Variants in REV3L observed in about 807,000 individuals in gnomAD.
The protein encoded by REV3L is REV3 like, DNA directed polymerase zeta catalytic subunit.
In REV3L, 69 loss-of-function variants were observed where a neutral mutation model predicts 299.4. That is an observed-to-expected ratio of 0.23 (90% CI 0.19 to 0.28). REV3L has a LOEUF of 0.28. Ranked by LOEUF, REV3L falls within the 10% of genes least tolerant of loss-of-function variation. The pLI is 1.00. For synonymous variants in REV3L, 1,238 were observed against 1,271.4 expected, an observed-to-expected ratio of 0.97 and a Z score of 0.56; for missense variants, 3,128 against 3,693.8, an observed-to-expected ratio of 0.85 and a Z score of 3.97.
In REV3L at chr6:111,335,658, A is replaced by G. The variant is rs370658082; in HGVS notation, c.7539-48T>C. The G allele has an allele frequency of 5.0e-4, 776 of 1,547,472 alleles. 1 individual carries two copies. The highest frequency in any genetic ancestry group is 6.0e-4 in the Non-Finnish European group (693 of 1,148,024). ...ATGAACATCAGGGAAAAATTTGGAC[A>G]CTTGAAAACAGTACTTTTTTTCCTG... On this transcript the variant is annotated intron_variant, in intron 21 of 31. Coordinates refer to ENST00000368802, the MANE Select transcript of REV3L (RefSeq NM_001372078.1).
chr6:111,434,618 C>CAAA (rs1280352557), intron 1 of REV3L, among the ~76,000 whole-genome samples: 1 of 78,812 alleles, frequency 1.3e-5, no homozygotes, highest in African/African-American at 5.1e-5. Context: ...GACTCCGTCT[C>CAAA]AAAAAAAAAA....
intron 13 of REV3L, among the ~76,000 whole-genome samples, chr6:111,369,651 T>C (rs1052136660): frequency 2.6e-5 from 4 of 151,986 alleles, no homozygotes; most frequent in Non-Finnish European, 1.5e-5. Flanking sequence ...AGTGAAAAAT[T>C]TGGATATAAT....
At chr6:111,346,627 G>C (rs1777058677) in intron 20 of REV3L, among the ~76,000 whole-genome samples, 2 of 152,120 alleles carry the variant, frequency 1.3e-5, no homozygotes, top group African/African-American at 4.8e-5. Flanking sequence ...GGGACTATAT[G>C]TGTGTGCCAC....
chr6:111,446,829 C>G (rs1255224389), intron 1 of REV3L, among the ~76,000 whole-genome samples: 1 of 152,092 alleles, frequency 6.6e-6, no homozygotes, highest in African/African-American at 2.4e-5. Flanking sequence ...GTATTTGATA[C>G]TGAGATTAGT....
At position 111,333,179 on chromosome 6, in the gene REV3L, C is replaced by T. The variant is rs767189450; in HGVS notation, c.7869G>A (p.Val2623=). Reference sequence around the variant, plus strand: ...TGGAAAAGCAGTAGTTATATGCAATCACAATAGAAGGATAAAGTGATTGGA... The same window carrying T: ...TGGAAAAGCAGTAGTTATATGCAATTACAATAGAAGGATAAAGTGATTGGA... ...LDFQSLYPSI[V]IAYNYCFSTC... The change falls in exon 23 of 32, where the codon GTG becomes GTA. Residue 2623 remains valine, a synonymous_variant. Coordinates refer to ENST00000368802, the MANE Select transcript of REV3L (RefSeq NM_001372078.1). 5.6e-6 allele frequency: 9 copies of T among 1,614,094 alleles called. No homozygotes were observed. Among genetic ancestry groups the T allele is most frequent in the South Asian group, 2.2e-5 (2 of 91,072 alleles).
At chr6:111,378,478 C>T (rs906109188) in intron 11 of REV3L, among the ~76,000 whole-genome samples, 4 of 152,088 alleles carry the variant, frequency 2.6e-5, no homozygotes, top group African/African-American at 9.7e-5. Context: ...TTAAGCCTTT[C>T]CAAATCACAA....
At chr6:111,330,405 A>C (rs1272990671) in intron 24 of REV3L, 7 of 409,400 alleles carry the variant, frequency 1.7e-5, no homozygotes, top group African/African-American at 1.2e-4. Context: ...AATTTATGAG[A>C]ACTCCAGTAG....
In REV3L at chr6:111,482,833, C is replaced by T. The variant is rs756162880; in HGVS notation, c.56G>A (p.Gly19Glu). The T allele has an allele frequency of 1.4e-5, 21 of 1,506,792 alleles. No individual in the cohort carries two copies. The highest frequency in any genetic ancestry group is 1.3e-5 in the Non-Finnish European group (15 of 1,134,882). The allele number at this position is 1,506,792 out of a possible 1,614,324, so 93.3% of individuals were successfully genotyped here. The change falls in exon 1 of 32, where the codon GGG becomes GAG. Residue 19 changes from glycine (G) to glutamate (E), a missense_variant. Around this residue, in one of 9 missense-constraint regions of REV3L, gnomAD observed 48 missense variants for 42.8 expected, o/e 1.12. Transcript: ENST00000368802. ...ADYYMASPLQGLDTCQSPLTQ... is the reference protein window; with the variant it reads ...ADYYMASPLQELDTCQSPLTQ... ...GAGGGGGGATTGGCAGGTATCCAGC[C>T]CCTGCAGCGGGCTGGCCATGTAGTA...
chr6:111,458,253 A>G (rs1402262504), intron 1 of REV3L, among the ~76,000 whole-genome samples: 1 of 152,106 alleles, frequency 6.6e-6, no homozygotes, highest in East Asian at 1.9e-4. Context: ...CCTTCATGAT[A>G]AAACCCCTCA....
chr6:111,434,309 A>G (rs1358752689), intron 1 of REV3L, among the ~76,000 whole-genome samples: 2 of 152,120 alleles, frequency 1.3e-5, no homozygotes, highest in African/African-American at 4.8e-5. Context: ...ACTCAACCAA[A>G]AAAACTGTTA....
intron 10 of REV3L, 104 bp downstream of exon 10, chr6:111,381,221 G>T: frequency 8.6e-7 from 1 of 1,167,142 alleles, no homozygotes; most frequent in Non-Finnish European, 1.2e-6. Context: ...TACTGAACAT[G>T]CAACATTTAC....
chr6:111,465,528 G>A (rs1791346236), intron 1 of REV3L, among the ~76,000 whole-genome samples: 1 of 151,552 alleles, frequency 6.6e-6, no homozygotes. Context: ...GAGGTCAGGA[G>A]TTTGAGACAA....
chr6:111,451,631 C>T (rs937273798), intron 1 of REV3L, among the ~76,000 whole-genome samples: 5 of 151,880 alleles, frequency 3.3e-5, no homozygotes, highest in South Asian at 4.2e-4. Flanking sequence ...GGCCCAATAC[C>T]GAAGGGAATT....
rs770526267 is a variant in REV3L at position 111,375,432 on chromosome 6, T to C, written c.2923A>G (p.Ile975Val). The C allele has an allele frequency of 6.2e-7, 1 of 1,600,288 alleles. No homozygotes were observed. The highest frequency in any genetic ancestry group is 8.5e-7 in the Non-Finnish European group (1 of 1,175,944). ...CTATTAATAATAATATACTTTATGA[T>C]GACAGGGGGCAGCTTTTTAGACATT... ...RKMSKKLPPVIIKYIIINRFR... is the reference protein window; with the variant it reads ...RKMSKKLPPVVIKYIIINRFR... The change falls in exon 13 of 32, where the codon ATC becomes GTC. Residue 975 changes from isoleucine (I) to valine (V), a missense_variant. Ile to Val is a conservative substitution (Grantham distance 29). Transcript: ENST00000368802.
chr6:111,322,193 G>T (rs1485921234), intron 26 of REV3L, among the ~76,000 whole-genome samples: 1 of 152,142 alleles, frequency 6.6e-6, no homozygotes, highest in African/African-American at 2.4e-5. Flanking sequence ...TTCAAAAACA[G>T]TTTATTTTAA....
At chr6:111,459,662 G>GA (rs963085913) in intron 1 of REV3L, among the ~76,000 whole-genome samples, 12 of 151,896 alleles carry the variant, frequency 7.9e-5, no homozygotes, top group African/African-American at 2.9e-4. Flanking sequence ...AAAAAAAATT[G>GA]AAAAAATGCT....
intron 26 of REV3L, among the ~76,000 whole-genome samples, chr6:111,320,751 G>C (rs73532777): frequency 1.3e-5 from 2 of 152,068 alleles, no homozygotes; most frequent in African/African-American, 4.8e-5. Flanking sequence ...GGGTTCAAGC[G>C]ATCTTCCCAC....
At chr6:111,425,821 A>G (rs994891158) in intron 1 of REV3L, among the ~76,000 whole-genome samples, 10 of 152,188 alleles carry the variant, frequency 6.6e-5, no homozygotes, top group African/African-American at 2.4e-4. Flanking sequence ...CATCTTACCA[A>G]ATAGAGAATA....
intron 1 of REV3L, among the ~76,000 whole-genome samples, chr6:111,480,561 T>C (rs1015823683): frequency 6.6e-6 from 1 of 152,172 alleles, no homozygotes; most frequent in Non-Finnish European, 1.5e-5. Context: ...AAATGCTGGC[T>C]TGGTTTATGA....
Sources: allele counts gnomAD v4.1 joint callset (sites outside exome capture counted in the v4.1 genomes callset), GRCh38; gene constraint gnomAD v4.1.1; regional missense constraint gnomAD v4.1.1; transcripts MANE v1.5; gene names NCBI Gene and HGNC (gene_info 2026-07-23, HGNC 2026-07-21).